The following GABRB3 variants were observed in gnomAD, a reference collection of about 807,000 sequenced individuals.
The protein encoded by GABRB3 is gamma-aminobutyric acid type A receptor subunit beta3.
In GABRB3, 14 loss-of-function variants were observed where a neutral mutation model predicts 52.1. The ratio of observed to expected loss-of-function variants is 0.27; its 90% CI spans 0.18 to 0.42. The LOEUF is 0.42. Among genes scored for constraint, GABRB3 ranks in the 10% least tolerant of loss-of-function variants. The probability of loss-of-function intolerance (pLI) is 1.00; values close to 1 mark genes in which losing one functional copy is unlikely to be tolerated. For missense variants in GABRB3, 307 were observed against 609.1 expected (o/e 0.50, Z 5.22); for synonymous variants, 260 against 232.3 (o/e 1.12, Z -1.08).
chr15:26,664,576 ACCT>A (rs1566796294), intron 3 of GABRB3, among the ~76,000 whole-genome samples: 17 of 151,690 alleles, frequency 1.1e-4, no homozygotes, highest in African/African-American at 4.1e-4. Flanking sequence ...TATTATGGGT[ACCT>A]CATAGTTGCA....
At chr15:26,737,433 C>G (rs1890093295) in intron 3 of GABRB3, among the ~76,000 whole-genome samples, 1 of 152,184 alleles carries the variant, frequency 6.6e-6, no homozygotes, top group Admixed American at 6.5e-5. Flanking sequence ...GAAAGAGACT[C>G]TTCCTGTCAG....
chr15:26,703,149 G>A (rs1888989805), intron 3 of GABRB3, among the ~76,000 whole-genome samples: 1 of 152,112 alleles, frequency 6.6e-6, no homozygotes, highest in South Asian at 2.1e-4. Flanking sequence ...ACTCCATTTT[G>A]TACTGCCATA....
intron 4 of GABRB3, among the ~76,000 whole-genome samples, chr15:26,611,051 T>C (rs1177491926): frequency 2.0e-5 from 3 of 152,232 alleles, no homozygotes; most frequent in African/African-American, 7.2e-5. Context: ...AAAATACCCA[T>C]GTATTTAACC....
At chr15:26,567,351 A>G (rs1454015067) in intron 7 of GABRB3, among the ~76,000 whole-genome samples, 1 of 152,244 alleles carries the variant, frequency 6.6e-6, no homozygotes, top group African/African-American at 2.4e-5. Context: ...TTCTGCAAGC[A>G]TATTTTCCCT....
At chr15:26,724,764 T>C (rs1318772704) in intron 3 of GABRB3, among the ~76,000 whole-genome samples, 2 of 152,204 alleles carry the variant, frequency 1.3e-5, no homozygotes, top group African/African-American at 4.8e-5. Flanking sequence ...TAAATATTCA[T>C]GACTCCTCCT....
At chr15:26,654,606 A>G (rs547333746) in intron 3 of GABRB3, among the ~76,000 whole-genome samples, 27 of 152,202 alleles carry the variant, frequency 1.8e-4, no homozygotes, top group African/African-American at 6.3e-4. Context: ...AATAAATTTA[A>G]AAAAATTAGC....
At chr15:26,585,190 C>G (rs1260309848) in intron 4 of GABRB3, among the ~76,000 whole-genome samples, 1 of 152,146 alleles carries the variant, frequency 6.6e-6, no homozygotes, top group Non-Finnish European at 1.5e-5. Flanking sequence ...AGTTGTGTAA[C>G]TGGCAGTCCT....
At chr15:26,772,849 TGCCCGCC>T in intron 1 of GABRB3, 27 bp downstream of exon 1, 1 of 1,451,858 alleles carries the variant, frequency 6.9e-7, no homozygotes, top group Admixed American at 2.5e-5. Context: ...CCCCGCGCCC[TGCCCGCC>T]GCCCGCCGGC....
intron 4 of GABRB3, among the ~76,000 whole-genome samples, chr15:26,590,497 G>A (rs985939943): frequency 6.6e-6 from 1 of 152,156 alleles, no homozygotes; most frequent in Non-Finnish European, 1.5e-5. Context: ...GGTGGAGGCA[G>A]CTATCATTTT....
chr15:26,771,095 C>T (rs1438131042), intron 3 of GABRB3, among the ~76,000 whole-genome samples: 1 of 152,074 alleles, frequency 6.6e-6, no homozygotes, highest in African/African-American at 2.4e-5. Context: ...AACAGCTTGG[C>T]GTGGTCAAAA....
chr15:26,570,191 T>C (rs1890341375), intron 6 of GABRB3, among the ~76,000 whole-genome samples: 1 of 152,236 alleles, frequency 6.6e-6, no homozygotes, highest in Admixed American at 6.5e-5. Flanking sequence ...TGCAAACCTA[T>C]TTTGAGGGTT....
Position 26,554,571 on chromosome 15 carries a change from T to C in GABRB3, c.1080+6361A>G, listed in dbSNP as rs527646346. Among the ~76,000 whole-genome samples the C allele has an allele frequency of 3.3e-5, 5 of 152,258 alleles. No homozygotes were observed. The East Asian group carries it at 9.7e-4, about 30-fold the overall frequency. ...TGACATTTATAAGCCTTGTCCTCTC[T>C]TCCCACTAGGAAAGTGGAAAAAACA... On this transcript the variant is annotated intron_variant, in intron 8 of 8. Transcript: ENST00000311550.
intron 4 of GABRB3, chr15:26,614,988 C>A (rs912148895): frequency 5.9e-5 from 9 of 152,256 alleles, no homozygotes; most frequent in East Asian, 1.9e-4. Flanking sequence ...TGAACCCCCC[C>A]CTCGCCAACT....
chr15:26,680,663 G>A lies in GABRB3; in HGVS notation c.241-59129C>T, dbSNP rs559057514. Reference sequence around the variant, plus strand: ...AGTTGTGGTGGTCAGATTGACTGCAGTGTTAATCATTTACTAGGCAGCTAA... The same window carrying A: ...AGTTGTGGTGGTCAGATTGACTGCAATGTTAATCATTTACTAGGCAGCTAA... On this transcript the variant is annotated intron_variant, in intron 3 of 8. Transcript: ENST00000311550. 2.6e-5 allele frequency among the ~76,000 whole-genome samples: 4 copies of A among 152,312 alleles called. No homozygotes were observed. In the South Asian group the frequency reaches 8.3e-4, roughly 32 times the overall value.
At chr15:26,740,071 G>C (rs539090751) in intron 3 of GABRB3, among the ~76,000 whole-genome samples, 4 of 152,242 alleles carry the variant, frequency 2.6e-5, no homozygotes, top group East Asian at 1.9e-4. Context: ...GCCAGTGTGG[G>C]TATCATCACT....
intron 3 of GABRB3, among the ~76,000 whole-genome samples, chr15:26,659,016 C>G (rs73368394): frequency 0.039 from 5,868 of 152,254 alleles, 362 homozygotes; most frequent in African/African-American, 0.13. Context: ...TCCTATTCAG[C>G]CACATGAATA....
At chr15:26,570,376 G>A (rs867182555) in intron 6 of GABRB3, among the ~76,000 whole-genome samples, 11 of 152,312 alleles carry the variant, frequency 7.2e-5, no homozygotes, top group East Asian at 3.9e-4. Context: ...ATGGGCCTGC[G>A]CACCATGCAC....
intron 3 of GABRB3, among the ~76,000 whole-genome samples, chr15:26,760,220 A>C (rs1248996648): frequency 6.6e-6 from 1 of 152,188 alleles, no homozygotes; most frequent in Admixed American, 6.5e-5. Flanking sequence ...AAATGACAAG[A>C]AGCTGTGGTC....
At position 26,684,128 on chromosome 15, in the gene GABRB3, C is replaced by T. The variant is rs142554322; in HGVS notation, c.241-62594G>A. Among the ~76,000 whole-genome samples, 1,138 of 152,296 alleles carry T rather than the reference C, an allele frequency of 7.5e-3. 33 individuals carry two copies. Among genetic ancestry groups the T allele is most frequent in the Admixed American group, 0.051 (780 of 15,298 alleles). Reference sequence around the variant, plus strand: ...CTTACCAAATGAACAGCTCCACACTCTCATTTTGCAACCTAGGAAGTGGGG... The same window carrying T: ...CTTACCAAATGAACAGCTCCACACTTTCATTTTGCAACCTAGGAAGTGGGG... On this transcript the variant is annotated intron_variant, in intron 3 of 8. Transcript: ENST00000311550.
Sources: gnomAD v4.1 joint callset for allele counts (sites outside exome capture counted in the v4.1 genomes callset) on GRCh38, gnomAD v4.1.1 for gene constraint, MANE v1.5 for transcripts, NCBI Gene and HGNC (gene_info 2026-07-23, HGNC 2026-07-21) for gene names.